The following ZZZ3 variants were observed in gnomAD, a reference collection of about 807,000 sequenced individuals.
ZZZ3 encodes the protein ZZ-type zinc finger-containing protein 3.
In ZZZ3, 22 loss-of-function variants were observed where a neutral mutation model predicts 95.2. The observed-to-expected ratio is 0.23, with a 90% CI of 0.17 to 0.33. The LOEUF is 0.33. ZZZ3 is among the 10% of genes least tolerant of loss of function. The pLI, the probability that ZZZ3 is intolerant of heterozygous loss-of-function variation, is 1.00. For missense variants in ZZZ3, 885 were observed against 1,066.5 expected, an observed-to-expected ratio of 0.83 and a Z score of 2.37; for synonymous variants, 335 against 358.9, an observed-to-expected ratio of 0.93 and a Z score of 0.75.
chr1:77,630,582 G>C (rs1667719179), intron 5 of ZZZ3, among the ~76,000 whole-genome samples: 1 of 152,148 alleles, frequency 6.6e-6, no homozygotes, highest in South Asian at 2.1e-4. Context: ...TTTATGAGTT[G>C]TTTTGCTATC....
intron 1 of ZZZ3, among the ~76,000 whole-genome samples, chr1:77,644,761 G>T (rs1553178738): frequency 6.6e-6 from 1 of 152,164 alleles, no homozygotes; most frequent in Non-Finnish European, 1.5e-5. Context: ...CCAAATTTTA[G>T]TGTGTCTAAG....
chr1:77,587,185 T>C (rs973742380), intron 5 of ZZZ3, among the ~76,000 whole-genome samples: 3 of 151,502 alleles, frequency 2.0e-5, no homozygotes, highest in Non-Finnish European at 4.4e-5. Flanking sequence ...GGGTCCACCA[T>C]ACTAGTCCAT....
At chr1:77,593,396 C>T (rs907505438) in intron 5 of ZZZ3, among the ~76,000 whole-genome samples, 31 of 152,210 alleles carry the variant, frequency 2.0e-4, no homozygotes, top group African/African-American at 7.5e-4. Context: ...TTTATATAAA[C>T]ACATACAAAT....
chr1:77,573,417 C>T (rs1007358119), intron 12 of ZZZ3, among the ~76,000 whole-genome samples: 7 of 152,096 alleles, frequency 4.6e-5, no homozygotes, highest in South Asian at 2.1e-4. Context: ...CCACAGTGCC[C>T]GGTCTGAAGT....
chr1:77,610,658 C>A (rs917771886), intron 5 of ZZZ3, among the ~76,000 whole-genome samples: 1 of 151,620 alleles, frequency 6.6e-6, no homozygotes, highest in African/African-American at 2.4e-5. Flanking sequence ...GATGGTTCAA[C>A]ATATGCAAAT....
intron 1 of ZZZ3, among the ~76,000 whole-genome samples, chr1:77,671,684 G>C (rs1671800084): frequency 6.6e-6 from 1 of 152,160 alleles, no homozygotes; most frequent in Non-Finnish European, 1.5e-5. Context: ...TATCTAGCAT[G>C]TATCTGGCCC....
chr1:77,568,194 G>A (rs1031432589), intron 13 of ZZZ3, 138 bp downstream of exon 13: 7 of 604,790 alleles, frequency 1.2e-5, no homozygotes, highest in African/African-American at 4.0e-5. Flanking sequence ...CACGAGAATC[G>A]CTTGAACCCG....
At chr1:77,647,912 C>T (rs1669439933) in intron 1 of ZZZ3, among the ~76,000 whole-genome samples, 1 of 152,092 alleles carries the variant, frequency 6.6e-6, no homozygotes, top group Admixed American at 6.6e-5. Flanking sequence ...TCTGGTCTCA[C>T]CTAACAAAGA....
At chr1:77,574,556 G>A (rs1661739238) in intron 12 of ZZZ3, among the ~76,000 whole-genome samples, 1 of 152,090 alleles carries the variant, frequency 6.6e-6, no homozygotes. Flanking sequence ...CTACAGTCAG[G>A]ATATAGTCTC....
chr1:77,636,261 TAAG>T (rs1389481448), intron 4 of ZZZ3, among the ~76,000 whole-genome samples: 1 of 152,214 alleles, frequency 6.6e-6, no homozygotes, highest in Non-Finnish European at 1.5e-5. Flanking sequence ...ATTCCAATAA[TAAG>T]ACTTCCTTAA....
intron 1 of ZZZ3, among the ~76,000 whole-genome samples, chr1:77,642,870 A>G (rs1196156850): frequency 2.0e-5 from 3 of 152,248 alleles, no homozygotes; most frequent in Non-Finnish European, 4.4e-5. Context: ...CATTAACAAT[A>G]GAGCGATTAA....
chr1:77,673,293 TGAG>T (rs1671949213), intron 1 of ZZZ3, among the ~76,000 whole-genome samples: 1 of 152,158 alleles, frequency 6.6e-6, no homozygotes, highest in Non-Finnish European at 1.5e-5. Flanking sequence ...GGAGAACTCC[TGAG>T]AAGAAAGTTG....
intron 5 of ZZZ3, among the ~76,000 whole-genome samples, chr1:77,592,561 C>G (rs1194794930): frequency 6.6e-6 from 1 of 152,056 alleles, no homozygotes; most frequent in Admixed American, 6.6e-5. Context: ...CCCGGCCTCC[C>G]AAAGTGTTGG....
At chr1:77,568,661 T>A (rs969895707) in intron 12 of ZZZ3, among the ~76,000 whole-genome samples, 195 bp from the exon 13 acceptor site, 15 of 124,176 alleles carry the variant, frequency 1.2e-4, no homozygotes, top group Non-Finnish European at 1.6e-4. Flanking sequence ...TTTTTTTTTT[T>A]AACACAACAG....
intron 1 of ZZZ3, among the ~76,000 whole-genome samples, chr1:77,663,143 T>C (rs890773465): frequency 6.6e-6 from 1 of 152,054 alleles, no homozygotes; most frequent in Non-Finnish European, 1.5e-5. Context: ...TGACTAACTG[T>C]TCCAGATTAA....
chr1:77,646,606 A>G (rs1414663451), intron 1 of ZZZ3, among the ~76,000 whole-genome samples: 2 of 152,192 alleles, frequency 1.3e-5, no homozygotes. Flanking sequence ...CTTCCAAGAG[A>G]CTTATGCTTC....
chr1:77,660,610 A>T (rs1271713915), intron 1 of ZZZ3, among the ~76,000 whole-genome samples: 2 of 152,204 alleles, frequency 1.3e-5, no homozygotes, highest in African/African-American at 4.8e-5. Flanking sequence ...TTGCTCATCC[A>T]TTAATGGACA....
intron 1 of ZZZ3, among the ~76,000 whole-genome samples, chr1:77,643,655 T>G (rs1570590317): frequency 6.6e-6 from 1 of 152,240 alleles, no homozygotes; most frequent in South Asian, 2.1e-4. Flanking sequence ...TCTTGCAGTC[T>G]TAACACTGGT....
chr1:77,681,692 G>C (rs950508647), intron 1 of ZZZ3, among the ~76,000 whole-genome samples: 1 of 152,020 alleles, frequency 6.6e-6, no homozygotes, highest in Non-Finnish European at 1.5e-5. Context: ...AGGAGTTTGA[G>C]ACCAGCCTGG....
Sources: gnomAD v4.1 joint callset for allele counts (sites outside exome capture counted in the v4.1 genomes callset) on GRCh38, gnomAD v4.1.1 for gene constraint, MANE v1.5 for transcripts, NCBI Gene and HGNC (gene_info 2026-07-23, HGNC 2026-07-21) for gene names.